TIMP2: variants seen among roughly 807,000 people sequenced by gnomAD.
TIMP2 encodes TIMP metallopeptidase inhibitor 2.
Under a neutral mutation model 24.3 loss-of-function variants are expected in TIMP2, and 5 were observed. That is an observed-to-expected ratio of 0.21 (90% confidence interval 0.11 to 0.43). The LOEUF is 0.43. Ranked by LOEUF, TIMP2 falls within the 20% of genes least tolerant of loss-of-function variation. The pLI, the probability that TIMP2 is intolerant of heterozygous loss-of-function variation, is 1.00. For synonymous variants in TIMP2, 130 were observed against 123.2 expected, an observed-to-expected ratio of 1.06 and a Z score of -0.37; for missense variants, 221 against 297.5, an observed-to-expected ratio of 0.74 and a Z score of 1.89.
intron 1 of TIMP2, among the ~76,000 whole-genome samples, chr17:78,880,730 T>C (rs529756831): frequency 5.3e-4 from 80 of 152,278 alleles, no homozygotes; most frequent in Non-Finnish European, 8.4e-4. Context: ...CTGTAAGAAA[T>C]GTACTTATTC....
rs1031784490 is a variant in TIMP2, at chr17:78,896,233, C to T, written c.131-22314G>A. The stretch of plus-strand genomic sequence containing the variant: ...GGCAGAGGGCAGGGTCTCACGTGGA[C>T]TTGTGCAGGCACTGGCAGGGAAAGC... On this transcript the variant is annotated intron_variant, in intron 1 of 4. Transcript: ENST00000262768. This position sits in a 1 kb window ranked among gnomAD's most constrained non-coding sequence, Gnocchi z 4.4. Among the ~76,000 whole-genome samples, 2 of 152,232 alleles carry T rather than the reference C, an allele frequency of 1.3e-5. No homozygotes were observed. Among genetic ancestry groups the T allele is most frequent in the African/African-American group, 4.8e-5 (2 of 41,468 alleles).
chr17:78,855,432 C>T lies in TIMP2; in HGVS notation c.*235G>A. The T allele has an allele frequency of 1.7e-6, 1 of 571,468 alleles. No homozygotes were observed. The highest frequency in any genetic ancestry group is 2.1e-5 in the South Asian group (1 of 48,136). The allele number at this position is 571,468 out of a possible 1,614,324, so 35.4% of individuals were successfully genotyped here. ...CCTGCCTGCACCCAAGGATCGAAGC[C>T]CCAGACACATAGTGCCTGGCAGAGG... On this transcript the variant is annotated 3_prime_UTR_variant, in exon 5 of 5. Coordinates refer to ENST00000262768, the MANE Select transcript of TIMP2 (RefSeq NM_003255.5). The surrounding 1 kb of genome is among the most constrained non-coding windows in gnomAD (Gnocchi z 6.0).
intron 3 of TIMP2, among the ~76,000 whole-genome samples, chr17:78,858,828 A>G (rs1189821429): frequency 4.6e-5 from 7 of 152,062 alleles, no homozygotes; most frequent in Non-Finnish European, 1.5e-5. Context: ...CCTGGCCCCA[A>G]TATTCTTTTA....
chr17:78,913,895 G>GGGAA lies in TIMP2; in HGVS notation c.130+11063_130+11064insTTCC, dbSNP rs71161636. Among the ~76,000 whole-genome samples, 303 of 102,180 alleles carry GGGAA rather than the reference G, an allele frequency of 3.0e-3. 1 individual carries two copies. Among genetic ancestry groups the GGGAA allele is most frequent in the Non-Finnish European group, 4.1e-3 (211 of 51,622 alleles). The allele number at this position is 102,180 out of a possible 152,430, so 67.0% of individuals were successfully genotyped here. Reference sequence around the variant, plus strand: ...CCACGGAGCGAAACTCTGTCTCGGGGAAAAAAAAAAAAAAAAAAAAATTCT... The same window carrying GGGAA: ...CCACGGAGCGAAACTCTGTCTCGGGGGGAAAAAAAAAAAAAAAAAAAAAAATTCT... On this transcript the variant is annotated intron_variant, in intron 1 of 4. Transcript: ENST00000262768.
chr17:78,901,713 A>G, intron 1 of TIMP2: 1 of 717,156 alleles, frequency 1.4e-6, no homozygotes, highest in Non-Finnish European at 2.6e-6. Context: ...AGCAGCACCC[A>G]TCTACAGAGA....
intron 1 of TIMP2, among the ~76,000 whole-genome samples, chr17:78,889,477 T>C (rs1158457645): frequency 6.6e-6 from 1 of 152,250 alleles, no homozygotes; most frequent in African/African-American, 2.4e-5. Flanking sequence ...GTTGGTTTTG[T>C]TGTGACTTTG....
intron 1 of TIMP2, chr17:78,904,933 C>G (rs1322774650): frequency 2.0e-5 from 3 of 152,220 alleles, no homozygotes; most frequent in Admixed American, 6.5e-5. Flanking sequence ...CACCTGAGCT[C>G]AAGAGTTTGA....
At chr17:78,899,669 T>G (rs1159305735) in intron 1 of TIMP2, 1 of 152,178 alleles carries the variant, frequency 6.6e-6, no homozygotes. Flanking sequence ...GTGGTAGAGC[T>G]CCTGGCCATT....
rs142528475 is a variant in TIMP2 at position 78,918,945 on chromosome 17, A to C, written c.130+6014T>G. ...CAGTGATCTGTGATTGCACCACTGC[A>C]CTCCAGCCTGGGTGACACAGCAAGA... On this transcript the variant is annotated intron_variant, in intron 1 of 4. Transcript: ENST00000262768. Among the ~76,000 whole-genome samples the C allele has an allele frequency of 4.0e-3, 599 of 151,152 alleles. 3 individuals are homozygous for C. The highest frequency in any genetic ancestry group is 0.014 in the African/African-American group (576 of 41,040).
intron 1 of TIMP2, among the ~76,000 whole-genome samples, chr17:78,906,157 C>T (rs2070156575): frequency 6.6e-6 from 1 of 152,118 alleles, no homozygotes. Flanking sequence ...GATGGCTTGA[C>T]CCCAGGAGTT....
chr17:78,866,049 C>T (rs1190577689), intron 3 of TIMP2, among the ~76,000 whole-genome samples: 5 of 152,162 alleles, frequency 3.3e-5, no homozygotes, highest in Non-Finnish European at 7.3e-5. Flanking sequence ...CCCTGCACCA[C>T]GGGGGATTCT....
chr17:78,875,641 G>A (rs1031024403), intron 1 of TIMP2, among the ~76,000 whole-genome samples: 10 of 152,140 alleles, frequency 6.6e-5, no homozygotes, highest in Admixed American at 3.9e-4. Flanking sequence ...CTCTGGGTAA[G>A]TGTTATGTTA....
At chr17:78,910,184 ATTTC>A (rs1056202069) in intron 1 of TIMP2, among the ~76,000 whole-genome samples, 3 of 150,390 alleles carry the variant, frequency 2.0e-5, no homozygotes, top group African/African-American at 4.9e-5. Context: ...ACTTTTGTTA[ATTTC>A]TTTTTCTTTT....
chr17:78,917,904 C>G (rs1599178439), intron 1 of TIMP2, among the ~76,000 whole-genome samples: 1 of 152,152 alleles, frequency 6.6e-6, no homozygotes, highest in South Asian at 2.1e-4. Flanking sequence ...CATCGCTCAG[C>G]TCCGAGACTA....
At chr17:78,883,595 T>C (rs1260640236) in intron 1 of TIMP2, among the ~76,000 whole-genome samples, 3 of 151,854 alleles carry the variant, frequency 2.0e-5, no homozygotes, top group Non-Finnish European at 2.9e-5. Flanking sequence ...CACCTGGGGG[T>C]GCTCCAGGCC....
At chr17:78,861,163 T>C (rs1047145901) in intron 3 of TIMP2, among the ~76,000 whole-genome samples, 4 of 152,248 alleles carry the variant, frequency 2.6e-5, no homozygotes, top group East Asian at 3.9e-4. Flanking sequence ...TCCTGTATCC[T>C]GGTTGATTCT....
chr17:78,859,064 A>C (rs1431714273), intron 3 of TIMP2, among the ~76,000 whole-genome samples: 1 of 152,218 alleles, frequency 6.6e-6, no homozygotes, highest in Non-Finnish European at 1.5e-5. Context: ...TTTTCACAAA[A>C]TATTAATTCA....
At chr17:78,871,171 AG>A (rs1385836124) in intron 2 of TIMP2, among the ~76,000 whole-genome samples, 165 bp from the exon 3 acceptor site, 1 of 152,132 alleles carries the variant, frequency 6.6e-6, no homozygotes, top group Non-Finnish European at 1.5e-5. Context: ...AGACCGTTCC[AG>A]CTGGGCTCAG....
At chr17:78,879,089 G>T (rs1429372322) in intron 1 of TIMP2, among the ~76,000 whole-genome samples, 2 of 152,228 alleles carry the variant, frequency 1.3e-5, no homozygotes, top group Admixed American at 6.5e-5. Context: ...CCTGTCGGGG[G>T]TTGTTGCCCA....
Sources: gnomAD v4.1 joint callset for allele counts (sites outside exome capture counted in the v4.1 genomes callset) on GRCh38, gnomAD v4.1.1 for gene constraint, Gnocchi (gnomAD v3.1) non-coding constraint, MANE v1.5 for transcripts, NCBI Gene and HGNC (gene_info 2026-07-23, HGNC 2026-07-21) for gene names.